Variants in ZNF226 observed in about 807,000 individuals in gnomAD.
ZNF226 encodes zinc finger protein 226, also known as Kruppel-associated box protein.
A neutral mutation model predicts 11.4 loss-of-function variants in ZNF226; 6 were observed. That is an observed-to-expected ratio of 0.53 (90% confidence interval 0.29 to 1.04). The LOEUF (loss-of-function observed/expected upper bound fraction) is 1.04. ZNF226 is among the 50% of genes least tolerant of loss of function. The pLI is 0.08. For missense variants in ZNF226, 1,058 were observed against 956.5 expected, an observed-to-expected ratio of 1.11 and a Z score of -1.40; for synonymous variants, 350 against 322.8, an observed-to-expected ratio of 1.08 and a Z score of -0.90.
downstream of ZNF226, among the ~76,000 whole-genome samples, chr19:44,179,866 T>C (rs1970879857): frequency 6.6e-6 from 1 of 152,042 alleles, no homozygotes; most frequent in East Asian, 1.9e-4. Context: ...GTGGATCACC[T>C]GAGGTCAGGA....
chr19:44,177,782 A>G (rs1342602823), downstream of ZNF226: 2 of 1,246,424 alleles, frequency 1.6e-6, no homozygotes, highest in Non-Finnish European at 1.1e-6. Context: ...CAACAAAACA[A>G]TCTTTATGAT....
chr19:44,168,104 A>T (rs907449570), intron 2 of ZNF226, among the ~76,000 whole-genome samples: 3 of 152,134 alleles, frequency 2.0e-5, no homozygotes, highest in Admixed American at 2.0e-4. Flanking sequence ...TCAATGTAGG[A>T]TGTATTTCTC....
Position 44,177,198 on chromosome 19 carries a change from G to A in ZNF226, c.1936G>A (p.Glu646Lys), listed in dbSNP as rs1970771710. The stretch of plus-strand genomic sequence containing the variant: ...CAGTGGAGAAAAACCATTCAAATGT[G>A]AAGAATGTGGGAAGAGTTTCGGTCG... ...VHSGEKPFKCEECGKSFGRSA... is the reference protein window; with the variant it reads ...VHSGEKPFKCKECGKSFGRSA... Residue 646 changes from glutamate (E) to lysine (K), a missense_variant, in exon 6 of 6, where the codon GAA (glutamate) becomes AAA (lysine). By Grantham distance (56) the Glu-to-Lys change is moderately conservative. Transcript: ENST00000337433. The A allele has an allele frequency of 5.0e-6, 8 of 1,613,832 alleles. No individual in the cohort carries two copies. Among genetic ancestry groups the A allele is most frequent in the Non-Finnish European group, 6.8e-6 (8 of 1,179,964 alleles).
intron 3 of ZNF226, among the ~76,000 whole-genome samples, chr19:44,171,109 G>A (rs897463455): frequency 1.3e-5 from 2 of 152,044 alleles, no homozygotes; most frequent in African/African-American, 2.4e-5. Context: ...TACAGTTAGT[G>A]TAGGATTTTT....
chr19:44,173,437 C>G (rs945896570), intron 5 of ZNF226: 2 of 168,708 alleles, frequency 1.2e-5, no homozygotes, highest in African/African-American at 4.8e-5. Context: ...CTTCTTCATT[C>G]ATTTCTTTGC....
downstream of ZNF226, chr19:44,178,151 A>G (rs1010565925): frequency 6.3e-6 from 1 of 158,008 alleles, no homozygotes; most frequent in African/African-American, 2.4e-5. Flanking sequence ...AAACCACTCA[A>G]TACTGAACTC....
At chr19:44,180,108 A>C (rs1356347310), downstream of ZNF226, among the ~76,000 whole-genome samples, 4 of 150,228 alleles carry the variant, frequency 2.7e-5, no homozygotes, top group Non-Finnish European at 5.9e-5. Context: ...AAAAAAAAAA[A>C]AAACCCAAGA....
At chr19:44,184,902 A>G in the ZNF226 span, among the ~76,000 whole-genome samples, 3 of 152,204 alleles carry the variant, frequency 2.0e-5, no homozygotes, top group African/African-American at 4.8e-5. Context: ...CTGAAAATCT[A>G]TACCAGTTAG....
At chr19:44,193,944 C>G in the ZNF226 span, among the ~76,000 whole-genome samples, 1 of 152,198 alleles carries the variant, frequency 6.6e-6, no homozygotes, top group Non-Finnish European at 1.5e-5. Context: ...GTTGAAGATC[C>G]CATTGCATTT....
chr19:44,174,325 A>C (rs775497527), intron 5 of ZNF226: 2 of 152,194 alleles, frequency 1.3e-5, no homozygotes, highest in Non-Finnish European at 2.9e-5. Context: ...TACAATAAGG[A>C]CTTTTATTTC....
At chr19:44,187,723 G>C in the ZNF226 span, among the ~76,000 whole-genome samples, 1 of 151,802 alleles carries the variant, frequency 6.6e-6, no homozygotes, top group Non-Finnish European at 1.5e-5. The surrounding 1 kb of genome is among the most constrained non-coding windows in gnomAD (Gnocchi z 4.0). Context: ...TTAGGTTGTT[G>C]ATTTGAGATA....
chr19:44,189,601 G>A, the ZNF226 span, among the ~76,000 whole-genome samples: 1 of 152,206 alleles, frequency 6.6e-6, no homozygotes, highest in South Asian at 2.1e-4. Context: ...CTTTGGTCAT[G>A]TAAAGATCTA....
At position 44,172,435 on chromosome 19, in the gene ZNF226, C is replaced by T. The variant is rs2122394773; in HGVS notation, c.142+221C>T. On this transcript the variant is annotated intron_variant, in intron 4 of 5. Transcript: ENST00000337433. ...TGAACAGAATACTGCTATGCCTTGT[C>T]TATTCTTTTTCATGTTTTACACCTG... 6.2e-6 allele frequency: 3 copies of T among 480,630 alleles called. No homozygotes were observed. The South Asian group carries it at 8.4e-5, about 13-fold the overall frequency. The allele number at this position is 480,630 out of a possible 1,614,324, so 29.8% of individuals were successfully genotyped here. A position where few individuals can be genotyped will look rare whatever the true frequency, so the allele number is the denominator to read the frequency against.
At chr19:44,175,313 A>G in intron 5 of ZNF226, 185 bp from the exon 6 acceptor site, 3 of 1,406,188 alleles carry the variant, frequency 2.1e-6, no homozygotes, top group South Asian at 1.7e-5. Flanking sequence ...TTGGTGGACC[A>G]TCTCTTGGTT....
chr19:44,175,399 C>G, intron 5 of ZNF226, 99 bp from the exon 6 acceptor site: 1 of 1,461,122 alleles, frequency 6.8e-7, no homozygotes. Context: ...GCAGAACTAT[C>G]CCGAGGTTCA....
the ZNF226 span, among the ~76,000 whole-genome samples, chr19:44,191,847 T>C: frequency 2.6e-5 from 4 of 152,256 alleles, no homozygotes; most frequent in East Asian, 1.9e-4. Context: ...AGAAATTATT[T>C]TGATAAAACA....
chr19:44,191,628 G>A, the ZNF226 span, among the ~76,000 whole-genome samples: 1 of 152,062 alleles, frequency 6.6e-6, no homozygotes, highest in African/African-American at 2.4e-5. Flanking sequence ...CTTTGATCCT[G>A]GAGAGACCTG....
chr19:44,172,690 G>T (rs577391812), intron 4 of ZNF226, 170 bp from the exon 5 acceptor site: 2 of 604,630 alleles, frequency 3.3e-6, no homozygotes, highest in African/African-American at 3.7e-5. Context: ...ATTTACGCAT[G>T]TGTGTCTGGG....
At chr19:44,177,772 C>T (rs1599741557), downstream of ZNF226, 19 of 1,305,350 alleles carry the variant, frequency 1.5e-5, no homozygotes, top group East Asian at 4.7e-4. Flanking sequence ...GGTCCAAAGA[C>T]AACAAAACAA....
Sources: gnomAD v4.1 joint callset for allele counts (sites outside exome capture counted in the v4.1 genomes callset) on GRCh38, gnomAD v4.1.1 for gene constraint, Gnocchi (gnomAD v3.1) non-coding constraint, MANE v1.5 for transcripts, NCBI Gene and HGNC (gene_info 2026-07-23, HGNC 2026-07-21) for gene names.